The following CFAP299 variants were observed in gnomAD, a reference collection of about 807,000 sequenced individuals.
CFAP299 encodes cilia and flagella associated protein 299.
A neutral mutation model predicts 27.0 loss-of-function variants in CFAP299; 21 were observed. That is an observed-to-expected ratio of 0.78 (90% confidence interval 0.55 to 1.12). The LOEUF is 1.12. Ranked by LOEUF, CFAP299 falls within the 50% of genes most tolerant of loss-of-function variation. The probability of loss-of-function intolerance (pLI) is 0.00; values close to 1 mark genes in which losing one functional copy is unlikely to be tolerated. For synonymous variants in CFAP299, 104 were observed against 98.1 expected (o/e 1.06, Z -0.36); for missense variants, 310 against 276.6 (o/e 1.12, Z -0.86).
At chr4:80,382,556 A>G (rs886706256) in intron 2 of CFAP299, among the ~76,000 whole-genome samples, 1 of 152,250 alleles carries the variant, frequency 6.6e-6, no homozygotes, top group Non-Finnish European at 1.5e-5. Context: ...AAAAGAAGAC[A>G]TACATGTGGC....
intron 2 of CFAP299, among the ~76,000 whole-genome samples, chr4:80,459,677 C>A (rs1729343997): frequency 6.6e-6 from 1 of 152,068 alleles, no homozygotes; most frequent in East Asian, 1.9e-4. Flanking sequence ...AGAAAAAAAA[C>A]AGAAAAACTG....
At chr4:80,661,608 G>A (rs1487294091) in intron 3 of CFAP299, among the ~76,000 whole-genome samples, 2 of 152,090 alleles carry the variant, frequency 1.3e-5, no homozygotes, top group African/African-American at 2.4e-5. Flanking sequence ...ATAAGCTGAG[G>A]ATGAATGTCG....
intron 2 of CFAP299, among the ~76,000 whole-genome samples, chr4:80,543,030 C>G (rs1734076828): frequency 6.6e-6 from 1 of 152,100 alleles, no homozygotes; most frequent in African/African-American, 2.4e-5. Flanking sequence ...CCTCAAGGTA[C>G]CAGGGGACAA....
chr4:80,857,097 T>G (rs943091652), intron 3 of CFAP299, among the ~76,000 whole-genome samples: 9 of 152,226 alleles, frequency 5.9e-5, no homozygotes, highest in Non-Finnish European at 8.8e-5. Flanking sequence ...TGTTTTGTAG[T>G]TCTTCTTGAA....
chr4:80,660,521 G>A (rs891941064), intron 3 of CFAP299, among the ~76,000 whole-genome samples: 1 of 152,164 alleles, frequency 6.6e-6, no homozygotes, highest in Non-Finnish European at 1.5e-5. Context: ...CTATGCTGAA[G>A]TGTTTGCAGA....
intron 3 of CFAP299, among the ~76,000 whole-genome samples, chr4:80,787,153 G>C (rs895796066): frequency 6.6e-5 from 10 of 150,378 alleles, no homozygotes; most frequent in African/African-American, 2.4e-4. Context: ...CTCAAAAGTA[G>C]CTTAGATAAT....
chr4:80,522,730 C>T (rs186184211), intron 2 of CFAP299, among the ~76,000 whole-genome samples: 100 of 152,112 alleles, frequency 6.6e-4, no homozygotes, highest in Middle Eastern at 3.4e-3. Flanking sequence ...TCCAGTTTTC[C>T]CAGCACTATT....
intron 4 of CFAP299, among the ~76,000 whole-genome samples, chr4:80,936,088 T>C (rs1386761776): frequency 6.6e-6 from 1 of 152,090 alleles, no homozygotes; most frequent in Non-Finnish European, 1.5e-5. Flanking sequence ...ATTGTAGCTT[T>C]TACCATTACT....
chr4:80,672,730 G>C (rs1455171644), intron 3 of CFAP299, among the ~76,000 whole-genome samples: 2 of 152,134 alleles, frequency 1.3e-5, no homozygotes, highest in Non-Finnish European at 2.9e-5. Flanking sequence ...GTTTACTCTT[G>C]GGAGGGTGTA....
intron 3 of CFAP299, among the ~76,000 whole-genome samples, chr4:80,726,925 T>G (rs936586560): frequency 2.0e-5 from 3 of 152,154 alleles, no homozygotes; most frequent in African/African-American, 7.2e-5. Flanking sequence ...TTTCCATGAT[T>G]AATGTTTTTC....
chr4:80,507,316 T>C (rs1282027775), intron 2 of CFAP299, among the ~76,000 whole-genome samples: 1 of 152,122 alleles, frequency 6.6e-6, no homozygotes, highest in Non-Finnish European at 1.5e-5. Flanking sequence ...GAACATTCTA[T>C]GGGGGCGTCA....
chr4:80,347,624 A>G (rs1046828130), intron 1 of CFAP299, among the ~76,000 whole-genome samples: 1 of 152,200 alleles, frequency 6.6e-6, no homozygotes, highest in African/African-American at 2.4e-5. Context: ...GCTCAAGGAA[A>G]TCAGAGAGGA....
chr4:80,336,186 C>T (rs1244009812), intron 1 of CFAP299, among the ~76,000 whole-genome samples: 2 of 152,244 alleles, frequency 1.3e-5, no homozygotes, highest in Non-Finnish European at 2.9e-5. Flanking sequence ...AGCCCACTCC[C>T]ATTCCAAAGC....
chr4:80,832,872 A>T (rs1730370852), intron 3 of CFAP299, among the ~76,000 whole-genome samples: 2 of 152,266 alleles, frequency 1.3e-5, no homozygotes, highest in South Asian at 4.1e-4. Flanking sequence ...AAATGTTTCA[A>T]GAAATTTGCA....
chr4:80,699,750 G>T (rs1463279153), intron 3 of CFAP299, among the ~76,000 whole-genome samples: 3 of 152,034 alleles, frequency 2.0e-5, no homozygotes, highest in Admixed American at 2.0e-4. Context: ...CTGAACTTCT[G>T]CCCTGGACAC....
intron 4 of CFAP299, among the ~76,000 whole-genome samples, chr4:80,938,024 C>G (rs1737000106): frequency 6.6e-6 from 1 of 152,136 alleles, no homozygotes; most frequent in African/African-American, 2.4e-5. Flanking sequence ...TTACTTCTCC[C>G]TCTATTTTAT....
At chr4:80,379,978 C>G (rs1053236781) in intron 2 of CFAP299, among the ~76,000 whole-genome samples, 1 of 152,050 alleles carries the variant, frequency 6.6e-6, no homozygotes, top group Non-Finnish European at 1.5e-5. Context: ...TCTACTTATT[C>G]TAGCTATTAC....
At chr4:80,379,802 A>G (rs914857907) in intron 2 of CFAP299, among the ~76,000 whole-genome samples, 2 of 152,070 alleles carry the variant, frequency 1.3e-5, no homozygotes, top group Non-Finnish European at 2.9e-5. Context: ...ATTGACATTT[A>G]CTTTATCTCC....
At chr4:80,800,307 T>G (rs1728375139) in intron 3 of CFAP299, among the ~76,000 whole-genome samples, 1 of 73,896 alleles carries the variant, frequency 1.4e-5, no homozygotes, top group Admixed American at 2.6e-4. Flanking sequence ...ATATAATATA[T>G]AAGATATATG....
Sources: gnomAD v4.1 joint callset for allele counts (sites outside exome capture counted in the v4.1 genomes callset) on GRCh38, gnomAD v4.1.1 for gene constraint, MANE v1.5 for transcripts, NCBI Gene and HGNC (gene_info 2026-07-23, HGNC 2026-07-21) for gene names.